Variants in EFR3A observed in about 807,000 individuals in gnomAD.
The protein encoded by EFR3A is protein EFR3 homolog A.
A neutral mutation model predicts 104.4 loss-of-function variants in EFR3A; 76 were observed. That is an observed-to-expected ratio of 0.73 (90% CI 0.60 to 0.88). The LOEUF (loss-of-function observed/expected upper bound fraction) is 0.88, where lower values mean the gene tolerates loss of function less well. Ranked by LOEUF, EFR3A falls within the 40% of genes least tolerant of loss-of-function variation. The pLI is 0.00. For synonymous variants in EFR3A, 330 were observed against 330.0 expected, an observed-to-expected ratio of 1.00 and a Z score of 0.00; for missense variants, 985 against 1,012.5, an observed-to-expected ratio of 0.97 and a Z score of 0.37.
At chr8:131,979,082 T>A in intron 13 of EFR3A, 63 bp downstream of exon 13, 1 of 1,416,898 alleles carries the variant, frequency 7.1e-7, no homozygotes, top group Non-Finnish European at 9.6e-7. Context: ...TTAGTGTATT[T>A]AAGTATTGTG....
chr8:131,947,677 TTAAG>T (rs1295058586), intron 4 of EFR3A, among the ~76,000 whole-genome samples: 1 of 152,040 alleles, frequency 6.6e-6, no homozygotes, highest in Admixed American at 6.6e-5. Context: ...GTTTTACAGT[TTAAG>T]TTTGTATTTA....
intron 1 of EFR3A, among the ~76,000 whole-genome samples, chr8:131,920,380 C>T (rs1413446356): frequency 6.6e-6 from 1 of 152,150 alleles, no homozygotes; most frequent in Non-Finnish European, 1.5e-5. Context: ...AGGGAGTTTA[C>T]CAGGAACTTC....
chr8:131,996,355 AC>A, intron 18 of EFR3A, 50 bp from the exon 19 acceptor site: 1 of 1,143,594 alleles, frequency 8.7e-7, no homozygotes. Flanking sequence ...ATAAATGAAA[AC>A]CAACATAACA....
intron 18 of EFR3A, among the ~76,000 whole-genome samples, chr8:131,991,617 A>G (rs945452888): frequency 6.6e-6 from 1 of 152,234 alleles, no homozygotes; most frequent in Non-Finnish European, 1.5e-5. Context: ...AAACAGCAAC[A>G]TAGGGGATTT....
At chr8:131,912,556 C>T (rs117037161) in intron 1 of EFR3A, among the ~76,000 whole-genome samples, 9 of 152,226 alleles carry the variant, frequency 5.9e-5, no homozygotes, top group East Asian at 3.9e-4. Flanking sequence ...TTATCAAATA[C>T]GCAAATCTTA....
chr8:131,992,934 G>A (rs1821271178), intron 18 of EFR3A, among the ~76,000 whole-genome samples: 1 of 152,138 alleles, frequency 6.6e-6, no homozygotes, highest in African/African-American at 2.4e-5. Context: ...ACATGGTGGT[G>A]ACATACAGGT....
chr8:131,999,696 G>A (rs1270594214), intron 19 of EFR3A, among the ~76,000 whole-genome samples: 2 of 148,912 alleles, frequency 1.3e-5, no homozygotes. Flanking sequence ...AAAGCAGTTA[G>A]TCTTAAAAAA....
In EFR3A at chr8:131,975,412, ATT is replaced by A. The variant is rs5895119; in HGVS notation, c.1160-596_1160-595del. On this transcript the variant is annotated intron_variant, in intron 10 of 22. Transcript: ENST00000254624. The stretch of plus-strand genomic sequence containing the variant: ...TATTTTTCCTTCTTTTTTTTTTCCT[ATT>A]TTTTTTTTTTTTTTTTTTGGAGACA... 5.1e-3 allele frequency among the ~76,000 whole-genome samples: 571 copies of A among 111,124 alleles called. 1 individual carries two copies. The highest frequency in any genetic ancestry group is 0.019 in the African/African-American group (531 of 28,628). The allele number at this position is 111,124 out of a possible 152,430, so 72.9% of individuals were successfully genotyped here.
rs942095148 is a variant in EFR3A at position 132,011,035 on chromosome 8, T to C, written c.*140T>C. 1 of 1,300,392 alleles carries C rather than the reference T, an allele frequency of 7.7e-7. No homozygotes were observed. The highest frequency in any genetic ancestry group is 1.5e-5 in the African/African-American group (1 of 68,126). 80.6% of individuals were successfully genotyped at this position (1,300,392 alleles called of 1,614,324 possible). A position where few individuals can be genotyped will look rare whatever the true frequency, so the allele number is the denominator to read the frequency against. On this transcript the variant is annotated 3_prime_UTR_variant, in exon 23 of 23. Transcript: ENST00000254624. Reference sequence around the variant, plus strand: ...CATATCTTTAACCAAATGTTTGGCATACCATATTAGAAGTTTTGGAGCTAT... The same window carrying C: ...CATATCTTTAACCAAATGTTTGGCACACCATATTAGAAGTTTTGGAGCTAT...
At chr8:131,994,995 T>G (rs960093055) in intron 18 of EFR3A, among the ~76,000 whole-genome samples, 3 of 152,162 alleles carry the variant, frequency 2.0e-5, no homozygotes, top group African/African-American at 7.2e-5. Context: ...TTGTCACCCT[T>G]TCTGAATTCT....
intron 1 of EFR3A, among the ~76,000 whole-genome samples, chr8:131,932,676 T>C (rs578168202): frequency 1.2e-4 from 19 of 152,112 alleles, no homozygotes; most frequent in Non-Finnish European, 1.9e-4. Context: ...TCCAAAGATA[T>C]TGATTGATTG....
In EFR3A at chr8:131,940,493, T is replaced by TA. The variant is rs1554594436; in HGVS notation, c.11-4dup. ...CTGTATTTCTTGATTTTTTTTTTTTTAACAGGAGTATGCTGCTGCTGTTCC... is the reference window on the plus strand; with the variant it reads ...CTGTATTTCTTGATTTTTTTTTTTTTAAACAGGAGTATGCTGCTGCTGTTCC... On this transcript the variant is annotated splice_region_variant and splice_polypyrimidine_tract_variant and intron_variant, in intron 1 of 22. Coordinates refer to ENST00000254624, the MANE Select transcript of EFR3A (RefSeq NM_015137.6). 1 of 1,583,350 alleles carries TA rather than the reference T, an allele frequency of 6.3e-7. No homozygotes were observed. The highest frequency in any genetic ancestry group is 1.2e-5 in the South Asian group (1 of 86,826).
chr8:131,962,892 A>G (rs1819461515), intron 8 of EFR3A, among the ~76,000 whole-genome samples: 1 of 152,258 alleles, frequency 6.6e-6, no homozygotes, highest in South Asian at 2.1e-4. Context: ...ATGCAATCAA[A>G]GTAGAACTCA....
At chr8:131,950,112 G>A in intron 5 of EFR3A, 22 bp downstream of exon 5, 2 of 1,575,346 alleles carry the variant, frequency 1.3e-6, no homozygotes, top group South Asian at 1.2e-5. Flanking sequence ...TTTACTTTAT[G>A]ATCTATAGTA....
chr8:131,959,540 G>A, intron 7 of EFR3A, 45 bp from the exon 8 acceptor site: 1 of 1,504,108 alleles, frequency 6.6e-7, no homozygotes, highest in Non-Finnish European at 9.2e-7. Flanking sequence ...GAGGAAGAAA[G>A]TATAGTAAAA....
chr8:131,970,566 TAGGCAGTGTC>T lies in EFR3A; in HGVS notation c.1084_1093del (p.Gly362ThrfsTer2). ...GCAAATGATTTACAGGGGGGATCTG[TAGGCAGTGTC>T]AACTTAAATACAAGTTCCAAAGACA... On this transcript the variant is annotated frameshift_variant, in exon 10 of 23. Transcript: ENST00000254624. LOFTEE classifies it high-confidence loss of function. The T allele has an allele frequency of 6.2e-7, 1 of 1,613,850 alleles. No homozygotes were observed. Among genetic ancestry groups the T allele is most frequent in the Non-Finnish European group, 8.5e-7 (1 of 1,179,776 alleles).
At chr8:131,984,375 T>C (rs749306462) in intron 15 of EFR3A, 75 bp downstream of exon 15, 7 of 1,359,532 alleles carry the variant, frequency 5.1e-6, no homozygotes, top group East Asian at 2.5e-5. Context: ...GTTGCCGTTA[T>C]CCAAGGACAT....
intron 8 of EFR3A, among the ~76,000 whole-genome samples, chr8:131,965,496 C>G (rs1819654174): frequency 6.6e-6 from 1 of 152,196 alleles, no homozygotes; most frequent in African/African-American, 2.4e-5. Flanking sequence ...AAATGCAAAT[C>G]AAAACCACAA....
chr8:131,995,706 G>C (rs1184071624), intron 18 of EFR3A, among the ~76,000 whole-genome samples: 1 of 151,578 alleles, frequency 6.6e-6, no homozygotes, highest in Non-Finnish European at 1.5e-5. Flanking sequence ...CTTCAGCATA[G>C]TCAGTAGTGA....
Sources: allele counts gnomAD v4.1 joint callset (sites outside exome capture counted in the v4.1 genomes callset), GRCh38; gene constraint gnomAD v4.1.1; transcripts MANE v1.5; gene names NCBI Gene and HGNC (gene_info 2026-07-23, HGNC 2026-07-21).